Variants in GLI3 observed in about 807,000 individuals in gnomAD.
GLI3 encodes GLI family zinc finger 3.
A neutral mutation model predicts 100.8 loss-of-function variants in GLI3; 20 were observed. The observed-to-expected ratio is 0.20, with a 90% CI of 0.14 to 0.29. GLI3 has a LOEUF of 0.29. Ranked by LOEUF, GLI3 falls within the 10% of genes least tolerant of loss-of-function variation. The probability of loss-of-function intolerance (pLI) is 1.00; values close to 1 mark genes in which losing one functional copy is unlikely to be tolerated. For missense variants in GLI3, 2,040 were observed against 2,128.5 expected (o/e 0.96, Z 0.82); for synonymous variants, 938 against 860.5 (o/e 1.09, Z -1.58).
Position 41,965,298 on chromosome 7 carries a change from T to C in GLI3, c.3775A>G (p.Asn1259Asp). The C allele has an allele frequency of 1.2e-6, 2 of 1,613,606 alleles. No homozygotes were observed. The highest frequency in any genetic ancestry group is 1.7e-6 in the Non-Finnish European group (2 of 1,179,624). ...CKAPQYGNCL[N>D]RQPVAPGALD... Reference sequence around the variant, plus strand: ...GCACCAGGGGCCACTGGCTGCCTGTTGAGACAGTTCCCATACTGCGGGGCC... The same window carrying C: ...GCACCAGGGGCCACTGGCTGCCTGTCGAGACAGTTCCCATACTGCGGGGCC... The change falls in exon 15 of 15, where the codon AAC becomes GAC. Residue 1259 changes from asparagine to aspartate, a missense_variant. Physicochemically the swap from Asn to Asp is conservative, Grantham distance 23. Coordinates refer to ENST00000395925, the MANE Select transcript of GLI3 (RefSeq NM_000168.6).
chr7:42,040,075 T>C lies in GLI3; in HGVS notation c.991A>G (p.Ser331Gly), dbSNP rs137911969. 39 of 1,614,124 alleles carry C rather than the reference T, an allele frequency of 2.4e-5. No homozygotes were observed. In the African/African-American group the frequency reaches 5.1e-4, roughly 21 times the overall value. Residue 331 changes from serine (S) to glycine (G), a missense_variant, in exon 7 of 15, where the codon AGT (serine) becomes GGT (glycine). This residue lies in a region of GLI3 where 603 missense variants were observed against 690.9 expected (regional missense o/e 0.87). Transcript: ENST00000395925. ...GCAGATAAGTGACCATAGGAGCCAC[T>C]TGCTGAAGAGCTGCTACGGGAATTA... Reference protein sequence around the residue: ...LNNSRSSSSASGSYGHLSASA... With the variant: ...LNNSRSSSSAGGSYGHLSASA...
intron 1 of GLI3, among the ~76,000 whole-genome samples, chr7:42,245,371 G>C (rs1363577229): frequency 6.6e-6 from 1 of 152,154 alleles, no homozygotes; most frequent in African/African-American, 2.4e-5. Flanking sequence ...CCTAGCTGCA[G>C]TTTCCTCACA....
At chr7:42,121,007 T>C (rs1785984706) in intron 3 of GLI3, among the ~76,000 whole-genome samples, 2 of 152,312 alleles carry the variant, frequency 1.3e-5, no homozygotes, top group African/African-American at 2.4e-5. Context: ...CAAAAAGAGA[T>C]ATTATGTTCA....
chr7:41,977,107 T>C (rs1787533248), intron 12 of GLI3, among the ~76,000 whole-genome samples: 1 of 152,208 alleles, frequency 6.6e-6, no homozygotes, highest in South Asian at 2.1e-4. Context: ...ATAATACCAT[T>C]TGAAGATACC....
rs112766571 is a variant in GLI3, at chr7:42,230,106, G to T, written c.-42-6811C>A. On this transcript the variant is annotated intron_variant, in intron 1 of 14. Coordinates refer to ENST00000395925, the MANE Select transcript of GLI3 (RefSeq NM_000168.6). Reference sequence around the variant, plus strand: ...TTTCTGCAAGGGTTGGGCGGGGGGGGGGGGGGTGGAAAGCCCAACTTCATA... The same window carrying T: ...TTTCTGCAAGGGTTGGGCGGGGGGGTGGGGGGTGGAAAGCCCAACTTCATA... Among the ~76,000 whole-genome samples, 500 of 122,640 alleles carry T rather than the reference G, an allele frequency of 4.1e-3. 13 individuals are homozygous for T. The highest frequency in any genetic ancestry group is 0.016 in the South Asian group (45 of 2,890). 80.5% of individuals were successfully genotyped at this position (122,640 alleles called of 152,430 possible).
At chr7:42,116,834 G>A (rs1008942850) in intron 3 of GLI3, among the ~76,000 whole-genome samples, 1 of 125,436 alleles carries the variant, frequency 8.0e-6, no homozygotes, top group African/African-American at 4.5e-5. Context: ...GGTCTCATAA[G>A]AGACCTCTTA....
chr7:42,105,305 A>G (rs1442905710), intron 3 of GLI3, among the ~76,000 whole-genome samples: 1 of 152,118 alleles, frequency 6.6e-6, no homozygotes, highest in South Asian at 2.1e-4. Flanking sequence ...TTCATAATTT[A>G]CACCCAGATT....
chr7:42,026,183 G>C lies in GLI3; in HGVS notation c.1242+16C>G, dbSNP rs754808194. ...GCTGACCAGCACGGCCGGGTGCATC[G>C]ACCTGTCCCTCTCACCTGTGAGGAC... On this transcript the variant is annotated intron_variant, in intron 8 of 14. Transcript: ENST00000395925. 3.8e-6 allele frequency: 6 copies of C among 1,593,506 alleles called. No individual in the cohort carries two copies. The highest frequency in any genetic ancestry group is 1.7e-5 in the Admixed American group (1 of 59,068).
In GLI3 at chr7:42,071,893, T is replaced by G. The variant is rs117149208; in HGVS notation, c.473+4859A>C. Among the ~76,000 whole-genome samples the G allele has an allele frequency of 5.0e-3, 764 of 152,172 alleles. 4 individuals carry two copies. Among genetic ancestry groups the G allele is most frequent in the Middle Eastern group, 0.024 (7 of 294 alleles). ...CTGAGGTGAAGGGAGGTGGCCACTT[T>G]TAGTGGGAAGAACAGCTCTCCTTAC... On this transcript the variant is annotated intron_variant, in intron 4 of 14. Coordinates refer to ENST00000395925, the MANE Select transcript of GLI3 (RefSeq NM_000168.6).
At chr7:42,131,414 T>C (rs191503374) in intron 3 of GLI3, among the ~76,000 whole-genome samples, 7 of 152,220 alleles carry the variant, frequency 4.6e-5, no homozygotes, top group African/African-American at 1.4e-4. Flanking sequence ...AAAGAGTAAG[T>C]GTAGATAAAG....
intron 3 of GLI3, among the ~76,000 whole-genome samples, chr7:42,135,197 T>C (rs988673563): frequency 2.6e-5 from 4 of 152,242 alleles, no homozygotes; most frequent in African/African-American, 9.6e-5. Context: ...TCTTTTATTC[T>C]ACTGTGTGTG....
intron 3 of GLI3, among the ~76,000 whole-genome samples, chr7:42,119,432 T>C (rs1031991087): frequency 7.9e-5 from 12 of 152,142 alleles, no homozygotes; most frequent in Non-Finnish European, 1.0e-4. Flanking sequence ...AACTGTCAAA[T>C]TCAGGCCAGA....
At chr7:42,131,109 A>G (rs1166973238) in intron 3 of GLI3, among the ~76,000 whole-genome samples, 1 of 152,216 alleles carries the variant, frequency 6.6e-6, no homozygotes, top group Non-Finnish European at 1.5e-5. Flanking sequence ...TTGGGAAGTT[A>G]CTTGATGTAT....
chr7:42,054,523 A>G (rs780172961), intron 4 of GLI3, among the ~76,000 whole-genome samples: 2 of 152,300 alleles, frequency 1.3e-5, no homozygotes, highest in Middle Eastern at 3.4e-3. Context: ...GGTTTTTTAC[A>G]TAAGCTTATT....
intron 2 of GLI3, among the ~76,000 whole-genome samples, chr7:42,200,917 G>A (rs983246986): frequency 6.6e-6 from 1 of 152,170 alleles, no homozygotes; most frequent in African/African-American, 2.4e-5. Context: ...ATGCTGCCTA[G>A]TGGACACACT....
intron 3 of GLI3, among the ~76,000 whole-genome samples, chr7:42,123,002 C>A (rs938795130): frequency 1.1e-4 from 17 of 152,282 alleles, no homozygotes; most frequent in African/African-American, 4.1e-4. Flanking sequence ...ATATTCTACA[C>A]CTCTACTGTT....
chr7:42,149,290 A>G (rs975955569), intron 2 of GLI3, among the ~76,000 whole-genome samples: 31 of 152,198 alleles, frequency 2.0e-4, no homozygotes, highest in African/African-American at 7.2e-4. Context: ...CATTTCTTCA[A>G]ACATGTAAGA....
intron 3 of GLI3, among the ~76,000 whole-genome samples, chr7:42,086,812 C>G (rs997294781): frequency 2.0e-5 from 3 of 152,166 alleles, no homozygotes; most frequent in African/African-American, 7.2e-5. Context: ...GGACCCGCAT[C>G]ATGTCCTCCC....
chr7:41,993,036 C>A (rs565023516), intron 10 of GLI3, among the ~76,000 whole-genome samples: 1 of 152,276 alleles, frequency 6.6e-6, no homozygotes, highest in African/African-American at 2.4e-5. Context: ...CAGTTCTGTG[C>A]AACAGCCTTT....
Sources: allele counts gnomAD v4.1 joint callset (sites outside exome capture counted in the v4.1 genomes callset), GRCh38; gene constraint gnomAD v4.1.1; regional missense constraint gnomAD v4.1.1; transcripts MANE v1.5; gene names NCBI Gene and HGNC (gene_info 2026-07-23, HGNC 2026-07-21).